BMPR1B: variants seen among roughly 807,000 people sequenced by gnomAD.
The protein encoded by BMPR1B is bone morphogenetic protein receptor type-1B.
Under a neutral mutation model 59.1 loss-of-function variants are expected in BMPR1B, and 12 were observed. That is an observed-to-expected ratio of 0.20 (90% CI 0.13 to 0.33). The LOEUF (loss-of-function observed/expected upper bound fraction) is 0.33, where lower values mean the gene tolerates loss of function less well. BMPR1B is among the 10% of genes least tolerant of loss of function. BMPR1B has a pLI of 1.00. For missense variants in BMPR1B, 550 were observed against 610.9 expected (o/e 0.90, Z 1.05); for synonymous variants, 237 against 207.3 (o/e 1.14, Z -1.23).
intron 1 of BMPR1B, among the ~76,000 whole-genome samples, chr4:94,785,941 T>A (rs1722748294): frequency 1.3e-5 from 2 of 152,302 alleles, no homozygotes; most frequent in Non-Finnish European, 1.5e-5. Context: ...TGACCTTTCC[T>A]GAAGTTAGTT....
chr4:94,794,431 A>G (rs1197050686), intron 1 of BMPR1B, among the ~76,000 whole-genome samples: 6 of 149,500 alleles, frequency 4.0e-5, no homozygotes, highest in Non-Finnish European at 7.4e-5. Context: ...GCCTTGTAGT[A>G]TAGTTTGAAG....
chr4:95,064,434 A>G (rs1165628754), intron 3 of BMPR1B, among the ~76,000 whole-genome samples: 1 of 152,112 alleles, frequency 6.6e-6, no homozygotes, highest in Non-Finnish European at 1.5e-5. Flanking sequence ...TGGGCTCCTT[A>G]TGAGAATCTA....
At chr4:94,812,978 G>A (rs1004322750) in intron 1 of BMPR1B, among the ~76,000 whole-genome samples, 12 of 130,182 alleles carry the variant, frequency 9.2e-5, no homozygotes, top group Non-Finnish European at 1.6e-4. Context: ...ACAACATAAG[G>A]TGTTTGATAG....
At position 95,052,632 on chromosome 4, in the gene BMPR1B, T is replaced by C. The variant is rs180956902; in HGVS notation, c.-17-51776T>C. Reference sequence around the variant, plus strand: ...GGCTGTACTGTTTATCAGAAGAGTGTGTAATTTTGATTGGGATTTACAGCA... The same window carrying C: ...GGCTGTACTGTTTATCAGAAGAGTGCGTAATTTTGATTGGGATTTACAGCA... On this transcript the variant is annotated intron_variant, in intron 3 of 12. Transcript: ENST00000515059. Among the ~76,000 whole-genome samples the C allele has an allele frequency of 3.0e-3, 457 of 152,300 alleles. 5 individuals are homozygous for C. The highest frequency in any genetic ancestry group is 0.01 in the African/African-American group (435 of 41,562).
At chr4:94,770,641 A>C (rs1012401275) in intron 1 of BMPR1B, among the ~76,000 whole-genome samples, 1 of 152,110 alleles carries the variant, frequency 6.6e-6, no homozygotes, top group African/African-American at 2.4e-5. Context: ...ATCATTTGTA[A>C]AAATGTTAAG....
chr4:94,993,785 G>C (rs200860232), intron 2 of BMPR1B, among the ~76,000 whole-genome samples: 93 of 127,892 alleles, frequency 7.3e-4, no homozygotes, highest in Non-Finnish European at 1.2e-3. Context: ...AAAAAAAAAA[G>C]TATGACAGGG....
chr4:94,906,497 G>C (rs1235278855), intron 2 of BMPR1B, among the ~76,000 whole-genome samples: 1 of 151,996 alleles, frequency 6.6e-6, no homozygotes, highest in Non-Finnish European at 1.5e-5. Context: ...CTTCCTGACT[G>C]TTCATTTATG....
chr4:94,960,713 T>G (rs1730320438), intron 2 of BMPR1B, among the ~76,000 whole-genome samples: 1 of 106,858 alleles, frequency 9.4e-6, no homozygotes, highest in African/African-American at 4.2e-5. Context: ...CAGAGGTGTA[T>G]GAAAAATATA....
chr4:94,962,170 C>T (rs1268804233), intron 2 of BMPR1B, among the ~76,000 whole-genome samples: 1 of 130,834 alleles, frequency 7.6e-6, no homozygotes, highest in African/African-American at 3.0e-5. Flanking sequence ...GACAGTCTTG[C>T]TCTGTCACCG....
chr4:94,991,838 T>C (rs922020792), intron 2 of BMPR1B, among the ~76,000 whole-genome samples: 2 of 152,234 alleles, frequency 1.3e-5, no homozygotes, highest in East Asian at 1.9e-4. Flanking sequence ...AAGTGACTTC[T>C]GTTACTTCTG....
intron 3 of BMPR1B, 51 bp from the exon 4 acceptor site, chr4:95,104,357 C>A (rs1024625508): frequency 6.4e-7 from 1 of 1,560,418 alleles, no homozygotes; most frequent in Admixed American, 1.7e-5. Flanking sequence ...GAACAGAAGA[C>A]TGGGGTAGTC....
intron 2 of BMPR1B, among the ~76,000 whole-genome samples, chr4:94,884,960 C>A (rs959973761): frequency 6.6e-6 from 1 of 152,190 alleles, no homozygotes; most frequent in African/African-American, 2.4e-5. Flanking sequence ...AACTCTGTTA[C>A]TGCTGTGAGC....
intron 1 of BMPR1B, among the ~76,000 whole-genome samples, chr4:94,874,751 G>A (rs769868272): frequency 1.3e-5 from 2 of 152,152 alleles, no homozygotes; most frequent in South Asian, 2.1e-4. Context: ...CAGGACTTTG[G>A]GAGGCCGAGG....
At chr4:95,144,052 T>C (rs1041438796) in intron 10 of BMPR1B, among the ~76,000 whole-genome samples, 2 of 152,192 alleles carry the variant, frequency 1.3e-5, no homozygotes, top group Middle Eastern at 6.8e-3. Context: ...GACCCTAGGC[T>C]AGAAGAACAG....
intron 3 of BMPR1B, among the ~76,000 whole-genome samples, chr4:95,086,816 A>T (rs1254674780): frequency 6.6e-6 from 1 of 152,182 alleles, no homozygotes. Context: ...TTGACATAAC[A>T]CACACCTGTG....
At chr4:94,988,522 G>A (rs1032346594) in intron 2 of BMPR1B, among the ~76,000 whole-genome samples, 1 of 152,106 alleles carries the variant, frequency 6.6e-6, no homozygotes, top group African/African-American at 2.4e-5. Context: ...TGGTTTATGT[G>A]ATGTCATATA....
intron 8 of BMPR1B, among the ~76,000 whole-genome samples, chr4:95,126,904 T>C (rs1732945331): frequency 6.6e-6 from 1 of 152,202 alleles, no homozygotes; most frequent in East Asian, 1.9e-4. Flanking sequence ...GCCTTATATA[T>C]AACCACATAC....
At chr4:95,142,232 A>G (rs369991020) in intron 10 of BMPR1B, among the ~76,000 whole-genome samples, 2 of 152,198 alleles carry the variant, frequency 1.3e-5, no homozygotes, top group South Asian at 2.1e-4. Flanking sequence ...TCAGTTCCTC[A>G]GCTATCTCCA....
At chr4:94,761,429 G>C (rs1721762546) in intron 1 of BMPR1B, among the ~76,000 whole-genome samples, 1 of 130,920 alleles carries the variant, frequency 7.6e-6, no homozygotes, top group Admixed American at 7.2e-5. Context: ...GTGTGTGTGT[G>C]TGTGTGTGTG....
Sources: allele counts gnomAD v4.1 joint callset (sites outside exome capture counted in the v4.1 genomes callset), GRCh38; gene constraint gnomAD v4.1.1; transcripts MANE v1.5; gene names NCBI Gene and HGNC (gene_info 2026-07-23, HGNC 2026-07-21).